RASGRF1: variants seen among roughly 807,000 people sequenced by gnomAD.
RASGRF1 encodes Ras protein specific guanine nucleotide releasing factor 1.
Under a neutral mutation model 138.7 loss-of-function variants are expected in RASGRF1, and 40 were observed. The observed-to-expected ratio is 0.29, with a 90% CI of 0.22 to 0.38. The LOEUF is 0.38. Ranked by LOEUF, RASGRF1 falls within the 10% of genes least tolerant of loss-of-function variation. The pLI, the probability that RASGRF1 is intolerant of heterozygous loss-of-function variation, is 1.00. For missense variants in RASGRF1, 1,108 were observed against 1,650.4 expected (o/e 0.67, Z 5.69); for synonymous variants, 614 against 663.2 (o/e 0.93, Z 1.14).
At chr15:79,072,214 AG>A (rs1181031132) in intron 1 of RASGRF1, among the ~76,000 whole-genome samples, 5 of 136,028 alleles carry the variant, frequency 3.7e-5, no homozygotes, top group African/African-American at 1.3e-4. Flanking sequence ...GGACCTCACG[AG>A]GGTGGTGGTC....
chr15:79,013,392 G>C (rs1452339493), intron 13 of RASGRF1, among the ~76,000 whole-genome samples: 1 of 152,254 alleles, frequency 6.6e-6, no homozygotes, highest in East Asian at 1.9e-4. Context: ...TGGTGGACCT[G>C]AAACTGCCTC....
chr15:79,036,616 G>T (rs1272828086), intron 5 of RASGRF1, among the ~76,000 whole-genome samples: 1 of 152,180 alleles, frequency 6.6e-6, no homozygotes, highest in Non-Finnish European at 1.5e-5. Flanking sequence ...TGAGGCGGTG[G>T]GGGGCAGGGC....
intron 7 of RASGRF1, 126 bp downstream of exon 7, chr15:79,031,994 GACC>G: frequency 8.6e-7 from 1 of 1,165,328 alleles, no homozygotes; most frequent in South Asian, 1.6e-5. Context: ...TGCTGGCCCT[GACC>G]ACCTCCCCCG....
chr15:79,085,832 T>A (rs1026166426), intron 1 of RASGRF1, among the ~76,000 whole-genome samples: 1 of 152,208 alleles, frequency 6.6e-6, no homozygotes, highest in Middle Eastern at 3.2e-3. Flanking sequence ...CTGAAGGACC[T>A]ACCACAGGCC....
At chr15:78,976,136 A>G (rs1157378213) in intron 24 of RASGRF1, among the ~76,000 whole-genome samples, 1 of 152,128 alleles carries the variant, frequency 6.6e-6, no homozygotes, top group African/African-American at 2.4e-5. Context: ...GAAAAGGATC[A>G]GAGGTCCTCT....
At chr15:79,059,222 T>C (rs1410519917) in intron 2 of RASGRF1, among the ~76,000 whole-genome samples, 5 of 57,752 alleles carry the variant, frequency 8.7e-5, no homozygotes, top group African/African-American at 1.9e-4. Flanking sequence ...CCCTTCCCTA[T>C]CCTTCCCTTC....
In RASGRF1 at chr15:78,995,796, G is replaced by T; in HGVS notation, c.2971C>A (p.Leu991Met). Residue 991 changes from leucine to methionine, a missense_variant, in exon 20 of 27, where the codon CTG becomes ATG. Transcript: ENST00000558480. ...TTGTCACCTGGGTCCTCCTGGGTCA[G>T]AGTCCTAGGCAGGAGCGAGAAGGCA... is the stretch of plus-strand genomic sequence containing the variant. Reference protein sequence around the residue: ...RKAAANIIRTLTQEDPGDNQI... With the variant: ...RKAAANIIRTMTQEDPGDNQI... 1.2e-6 allele frequency: 2 copies of T among 1,614,184 alleles called. No homozygotes were observed. The highest frequency in any genetic ancestry group is 1.7e-6 in the Non-Finnish European group (2 of 1,180,030).
chr15:79,045,187 A>G (rs1342198213), intron 5 of RASGRF1, among the ~76,000 whole-genome samples: 1 of 152,218 alleles, frequency 6.6e-6, no homozygotes, highest in South Asian at 2.1e-4. Flanking sequence ...TGGGACCAGT[A>G]GCATCAGCAG....
rs1341056272 is a variant in RASGRF1, at chr15:79,059,144, T to TTTCCCTTCCCTATCCTTCCC, written c.384-683_384-664dup. Among the ~76,000 whole-genome samples the TTTCCCTTCCCTATCCTTCCC allele has an allele frequency of 3.2e-3, 486 of 150,616 alleles. 17 individuals carry two copies. The highest frequency in any genetic ancestry group is 0.011 in the African/African-American group (448 of 40,370). The stretch of plus-strand genomic sequence containing the variant: ...TCCTTTCCTCTCCTTCCTCCTTTCT[T>TTTCCCTTCCCTATCCTTCCC]TTCCCTTCCCTATCCTTCCCTTCCC... On this transcript the variant is annotated intron_variant, in intron 2 of 26. Coordinates refer to ENST00000558480, the MANE Select transcript of RASGRF1 (RefSeq NM_001145648.3).
At chr15:79,078,710 A>G (rs897309040) in intron 1 of RASGRF1, among the ~76,000 whole-genome samples, 1 of 151,920 alleles carries the variant, frequency 6.6e-6, no homozygotes, top group African/African-American at 2.4e-5. Context: ...TTTCTGCCCA[A>G]CTCTGCCTCT....
At chr15:79,074,334 G>A (rs973614892) in intron 1 of RASGRF1, among the ~76,000 whole-genome samples, 1 of 152,244 alleles carries the variant, frequency 6.6e-6, no homozygotes, top group Non-Finnish European at 1.5e-5. Flanking sequence ...GCTCTTCCCT[G>A]AACTGGACTG....
chr15:79,033,510 CA>C (rs1438593695), intron 6 of RASGRF1, among the ~76,000 whole-genome samples: 2 of 151,690 alleles, frequency 1.3e-5, no homozygotes, highest in African/African-American at 4.8e-5. Flanking sequence ...CCTGGCCTCC[CA>C]AAGTGGTGGG....
intron 17 of RASGRF1, 138 bp from the exon 18 acceptor site, chr15:78,998,963 T>TAA: frequency 1.5e-6 from 1 of 661,932 alleles, no homozygotes; most frequent in Non-Finnish European, 2.8e-6. Flanking sequence ...TAACAACATG[T>TAA]TTAACAACTA....
chr15:79,043,496 G>A (rs1411366626), intron 5 of RASGRF1, among the ~76,000 whole-genome samples: 1 of 152,208 alleles, frequency 6.6e-6, no homozygotes, highest in Non-Finnish European at 1.5e-5. Context: ...GTGCCTGTAA[G>A]AGGCAGGTAC....
intron 8 of RASGRF1, among the ~76,000 whole-genome samples, chr15:79,030,077 A>G (rs2057115689): frequency 6.6e-6 from 1 of 152,004 alleles, no homozygotes; most frequent in East Asian, 1.9e-4. Context: ...CTGCAATCAC[A>G]CCCTGATGAC....
Position 79,041,701 on chromosome 15 carries a change from TACCCAAGGCCA to T in RASGRF1, c.878+5034_878+5044del, listed in dbSNP as rs551719874. ...CCTGAGCCCAGAAAGGGGCATGACATACCCAAGGCCAGTCCAAGGCAGATAGGACTGGGCAG... is the reference window on the plus strand; with the variant it reads ...CCTGAGCCCAGAAAGGGGCATGACATGTCCAAGGCAGATAGGACTGGGCAG... On this transcript the variant is annotated intron_variant, in intron 5 of 26. Transcript: ENST00000558480. Among the ~76,000 whole-genome samples the T allele has an allele frequency of 9.5e-4, 144 of 152,240 alleles. 1 individual carries two copies. Among genetic ancestry groups the T allele is most frequent in the African/African-American group, 3.3e-3 (139 of 41,526 alleles).
chr15:79,001,836 A>C (rs939301210), intron 15 of RASGRF1, 49 bp from the exon 16 acceptor site: 11 of 1,216,140 alleles, frequency 9.0e-6, no homozygotes, highest in Non-Finnish European at 1.2e-5. Flanking sequence ...TTTAATTTTA[A>C]AATTTAAATA....
chr15:79,037,410 G>A (rs545072918), intron 5 of RASGRF1, among the ~76,000 whole-genome samples: 3 of 151,966 alleles, frequency 2.0e-5, no homozygotes, highest in South Asian at 2.1e-4. Flanking sequence ...GTTTCAGGAC[G>A]ATTCAAGTGT....
intron 2 of RASGRF1, among the ~76,000 whole-genome samples, chr15:79,062,974 C>T (rs536360079): frequency 1.3e-5 from 2 of 152,038 alleles, no homozygotes; most frequent in Non-Finnish European, 2.9e-5. Context: ...GAGAAATGAG[C>T]ATTTCAATGC....
Sources: allele counts gnomAD v4.1 joint callset (sites outside exome capture counted in the v4.1 genomes callset), GRCh38; gene constraint gnomAD v4.1.1; transcripts MANE v1.5; gene names NCBI Gene and HGNC (gene_info 2026-07-23, HGNC 2026-07-21).